The following SEMA3A variants were observed in gnomAD, a reference collection of about 807,000 sequenced individuals.
SEMA3A encodes the protein semaphorin-3A.
Under a neutral mutation model 97.9 loss-of-function variants are expected in SEMA3A, and 29 were observed. The ratio of observed to expected loss-of-function variants is 0.30; its 90% CI spans 0.22 to 0.40. SEMA3A has a LOEUF of 0.40. Ranked by LOEUF, SEMA3A falls within the 10% of genes least tolerant of loss-of-function variation. The pLI is 1.00. For missense variants in SEMA3A, 763 were observed against 951.3 expected (o/e 0.80, Z 2.60); for synonymous variants, 321 against 323.7 (o/e 0.99, Z 0.09).
chr7:84,470,093 C>T (rs1366557318), intron 1 of SEMA3A, among the ~76,000 whole-genome samples: 1 of 151,602 alleles, frequency 6.6e-6, no homozygotes, highest in Admixed American at 6.6e-5. Flanking sequence ...TATGTATTCA[C>T]CAATTACTAA....
intron 2 of SEMA3A, among the ~76,000 whole-genome samples, chr7:84,365,550 A>C (rs934380709): frequency 1.4e-4 from 21 of 151,580 alleles, no homozygotes; most frequent in African/African-American, 4.8e-4. Context: ...TTCTTTCTCA[A>C]AGTAAATATG....
intron 3 of SEMA3A, among the ~76,000 whole-genome samples, chr7:84,243,813 G>A (rs1296929199): frequency 6.6e-6 from 1 of 152,014 alleles, no homozygotes; most frequent in Non-Finnish European, 1.5e-5. Context: ...TGTTGTCATT[G>A]GTTTCAAAGA....
Position 84,054,727 on chromosome 7 carries a change from C to G in SEMA3A, c.547+5738G>C, listed in dbSNP as rs540065940. Among the ~76,000 whole-genome samples, 672 of 146,766 alleles carry G rather than the reference C, an allele frequency of 4.6e-3. 3 individuals carry two copies. The highest frequency in any genetic ancestry group is 0.016 in the African/African-American group (626 of 39,836). On this transcript the variant is annotated intron_variant, in intron 5 of 16. Coordinates refer to ENST00000265362, the MANE Select transcript of SEMA3A (RefSeq NM_006080.3). ...CTCGTCAAAGTCATTCTCCATCCAG[C>G]TTTGTTCCGTTGCTGGTGAGGAACT...
intron 2 of SEMA3A, among the ~76,000 whole-genome samples, chr7:84,354,561 G>A (rs189750520): frequency 1.1e-3 from 171 of 151,586 alleles, no homozygotes; most frequent in African/African-American, 3.8e-3. Context: ...CAGTAAATAA[G>A]TGCTCTACTT....
rs71297135 is a variant in SEMA3A, at chr7:84,057,751, GATAAATAA to G, written c.547+2706_547+2713del. On this transcript the variant is annotated intron_variant, in intron 5 of 16. Transcript: ENST00000265362. ...CACTCCAGCCTGGGCGACAGAGCAA[GATAAATAA>G]ATAAATAAATAAATAAATAAATAAA... 3.3e-3 allele frequency among the ~76,000 whole-genome samples: 478 copies of G among 142,714 alleles called. 2 individuals are homozygous for G. The highest frequency in any genetic ancestry group is 7.9e-3 in the African/African-American group (304 of 38,588). The allele number at this position is 142,714 out of a possible 152,430, so 93.6% of individuals were successfully genotyped here.
chr7:84,367,508 A>T (rs189180251), intron 2 of SEMA3A, among the ~76,000 whole-genome samples: 61 of 151,124 alleles, frequency 4.0e-4, no homozygotes, highest in African/African-American at 1.3e-3. Context: ...TTGATATTCA[A>T]ATGACAGATT....
At chr7:84,458,430 A>T (rs999557934) in intron 1 of SEMA3A, among the ~76,000 whole-genome samples, 1 of 150,266 alleles carries the variant, frequency 6.7e-6, no homozygotes, top group Non-Finnish European at 1.5e-5. Flanking sequence ...AATTTTAACT[A>T]TTGTGGCTAT....
chr7:84,180,809 T>C (rs1025467411), intron 1 of SEMA3A, among the ~76,000 whole-genome samples: 2 of 152,228 alleles, frequency 1.3e-5, no homozygotes, highest in Non-Finnish European at 2.9e-5. Context: ...CTGTCTTTTA[T>C]TTTTGTCCCA....
At chr7:84,399,597 C>T (rs552107586) in intron 1 of SEMA3A, among the ~76,000 whole-genome samples, 4 of 152,300 alleles carry the variant, frequency 2.6e-5, no homozygotes, top group East Asian at 1.9e-4. Flanking sequence ...TAAAATAAAG[C>T]ACCAGGGAGA....
chr7:84,453,859 G>T (rs1237714877), intron 1 of SEMA3A, among the ~76,000 whole-genome samples: 1 of 152,160 alleles, frequency 6.6e-6, no homozygotes, highest in South Asian at 2.1e-4. Context: ...TTGATTAGAT[G>T]ATTTAATTCT....
At chr7:83,980,755 GAC>G (rs1789381978) in intron 14 of SEMA3A, among the ~76,000 whole-genome samples, 1 of 150,794 alleles carries the variant, frequency 6.6e-6, no homozygotes, top group Non-Finnish European at 1.5e-5. Context: ...TTCAAGTTCA[GAC>G]ACTGCAAATG....
At chr7:84,456,934 C>T (rs1349003982) in intron 1 of SEMA3A, among the ~76,000 whole-genome samples, 1 of 151,626 alleles carries the variant, frequency 6.6e-6, no homozygotes, top group Non-Finnish European at 1.5e-5. Flanking sequence ...AAGTTACTTG[C>T]TAATGTCAGC....
intron 1 of SEMA3A, among the ~76,000 whole-genome samples, chr7:84,473,997 T>C (rs1013970459): frequency 8.5e-5 from 13 of 152,176 alleles, no homozygotes; most frequent in Admixed American, 8.5e-4. Flanking sequence ...AAACCCTCCA[T>C]GGCTGTGTGT....
intron 1 of SEMA3A, among the ~76,000 whole-genome samples, chr7:84,188,070 C>T (rs1325630422): frequency 6.6e-6 from 1 of 152,024 alleles, no homozygotes; most frequent in East Asian, 1.9e-4. Context: ...TTTTGGTCAA[C>T]ATAGTTTCCC....
At chr7:84,103,625 T>A (rs80233928) in intron 4 of SEMA3A, among the ~76,000 whole-genome samples, 4,882 of 152,140 alleles carry the variant, frequency 0.032, 100 homozygotes, top group South Asian at 0.07. Flanking sequence ...TCTTATATTT[T>A]AAAAAAATAA....
At chr7:84,474,397 G>T (rs1451376796) in intron 1 of SEMA3A, among the ~76,000 whole-genome samples, 1 of 152,176 alleles carries the variant, frequency 6.6e-6, no homozygotes, top group Non-Finnish European at 1.5e-5. Context: ...CCCCTACGCA[G>T]ATTGTGTAGT....
In SEMA3A at chr7:84,087,205, C is replaced by T. The variant is rs752006992; in HGVS notation, c.453+23265G>A. Reference sequence around the variant, plus strand: ...TAGTTACTGTAGTAAGAGGTTAGTACTCATAAGGATCTGAGTTCAAATCAT... The same window carrying T: ...TAGTTACTGTAGTAAGAGGTTAGTATTCATAAGGATCTGAGTTCAAATCAT... On this transcript the variant is annotated intron_variant, in intron 4 of 16. Coordinates refer to ENST00000265362, the MANE Select transcript of SEMA3A (RefSeq NM_006080.3). Among the ~76,000 whole-genome samples the T allele has an allele frequency of 6.2e-4, 95 of 152,192 alleles. 1 individual carries two copies. Among genetic ancestry groups the T allele is most frequent in the Non-Finnish European group, 5.1e-4 (35 of 68,000 alleles).
At chr7:84,129,772 G>A (rs746331478) in intron 2 of SEMA3A, among the ~76,000 whole-genome samples, 1 of 148,880 alleles carries the variant, frequency 6.7e-6, no homozygotes, top group Non-Finnish European at 1.5e-5. Flanking sequence ...CATGGTATAT[G>A]TTAGAGAAAT....
At chr7:84,138,240 A>C (rs944747995) in intron 1 of SEMA3A, among the ~76,000 whole-genome samples, 3 of 152,052 alleles carry the variant, frequency 2.0e-5, no homozygotes, top group South Asian at 4.2e-4. Context: ...TTTTTAACCT[A>C]TCTTACTAAG....
Sources: allele counts gnomAD v4.1 joint callset (sites outside exome capture counted in the v4.1 genomes callset), GRCh38; gene constraint gnomAD v4.1.1; transcripts MANE v1.5; gene names NCBI Gene and HGNC (gene_info 2026-07-23, HGNC 2026-07-21).